The following PRR16 variants were observed in gnomAD, a reference collection of about 807,000 sequenced individuals.
The protein encoded by PRR16 is protein Largen.
A neutral mutation model predicts 18.2 loss-of-function variants in PRR16; 6 were observed. That is an observed-to-expected ratio of 0.33 (90% confidence interval 0.18 to 0.65). PRR16 has a LOEUF of 0.65. Ranked by LOEUF, PRR16 falls within the 30% of genes least tolerant of loss-of-function variation. PRR16 has a pLI of 0.74. For missense variants in PRR16, 412 were observed against 376.6 expected (o/e 1.09, Z -0.78); for synonymous variants, 151 against 147.8 (o/e 1.02, Z -0.16).
At chr5:120,757,964 G>A in the PRR16 span, among the ~76,000 whole-genome samples, 134 of 152,132 alleles carry the variant, frequency 8.8e-4, no homozygotes, top group African/African-American at 3.1e-3. Flanking sequence ...TAAATAAGGA[G>A]TGAGTAATTA....
intron 1 of PRR16, among the ~76,000 whole-genome samples, chr5:120,555,217 T>G (rs2112706556): frequency 6.6e-6 from 1 of 151,922 alleles, no homozygotes; most frequent in African/African-American, 2.4e-5. Flanking sequence ...CTCCAAATTT[T>G]TCATATTCTA....
intron 1 of PRR16, among the ~76,000 whole-genome samples, chr5:120,475,132 C>G (rs1474900277): frequency 6.6e-6 from 1 of 152,086 alleles, no homozygotes; most frequent in Non-Finnish European, 1.5e-5. Flanking sequence ...CATAGCCACC[C>G]TTTGAGGTAC....
chr5:120,692,804 G>T, the PRR16 span, among the ~76,000 whole-genome samples: 1 of 152,068 alleles, frequency 6.6e-6, no homozygotes, highest in Non-Finnish European at 1.5e-5. Context: ...AAAGCTTAGT[G>T]GGGGGAATTA....
intron 1 of PRR16, among the ~76,000 whole-genome samples, chr5:120,531,195 T>C (rs1322786048): frequency 2.0e-5 from 3 of 152,176 alleles, no homozygotes; most frequent in African/African-American, 4.8e-5. Context: ...TGAACCTTTG[T>C]AGAATATAAC....
chr5:120,498,596 G>A (rs150621744), intron 1 of PRR16, among the ~76,000 whole-genome samples: 2,389 of 151,214 alleles, frequency 0.016, 87 homozygotes, highest in Admixed American at 0.086. Context: ...GCATTTATCC[G>A]TATTTTTGTT....
chr5:120,780,844 G>A, the PRR16 span, among the ~76,000 whole-genome samples: 41 of 152,260 alleles, frequency 2.7e-4, no homozygotes, highest in Admixed American at 2.6e-3. Context: ...GAGGTCAGGA[G>A]ATCGAGAGCA....
In PRR16 at chr5:120,638,382, T is replaced by G. The variant is rs141341804; in HGVS notation, c.160-47572T>G. On this transcript the variant is annotated intron_variant, in intron 1 of 1. Coordinates refer to ENST00000407149, the MANE Select transcript of PRR16 (RefSeq NM_001300783.2). ...AACAGAAGTATATCTAAAAGCTGCT[T>G]AAACAATGTATTTGAGCCATTTTTT... 4.0e-3 allele frequency among the ~76,000 whole-genome samples: 604 copies of G among 152,266 alleles called. 7 individuals carry two copies. Among genetic ancestry groups the G allele is most frequent in the African/African-American group, 0.014 (589 of 41,568 alleles).
intron 1 of PRR16, among the ~76,000 whole-genome samples, chr5:120,615,679 C>T (rs1220041856): frequency 6.6e-6 from 1 of 151,734 alleles, no homozygotes; most frequent in African/African-American, 2.4e-5. Flanking sequence ...TTAAATAATG[C>T]CTGCATACTC....
intron 1 of PRR16, among the ~76,000 whole-genome samples, chr5:120,583,440 T>A (rs1283549990): frequency 6.6e-6 from 1 of 152,098 alleles, no homozygotes; most frequent in Non-Finnish European, 1.5e-5. Flanking sequence ...ATGAGCCACA[T>A]TTTCCTTCTG....
At chr5:120,685,248 A>C (rs1726606502) in intron 1 of PRR16, among the ~76,000 whole-genome samples, 1 of 152,136 alleles carries the variant, frequency 6.6e-6, no homozygotes. Context: ...TCCTCTCAGC[A>C]TGAGAGGTCT....
the PRR16 span, among the ~76,000 whole-genome samples, chr5:120,718,314 T>C: frequency 1.3e-5 from 2 of 152,080 alleles, no homozygotes; most frequent in African/African-American, 4.8e-5. Context: ...GGCTTAAACA[T>C]AGAGAAAATT....
intron 1 of PRR16, among the ~76,000 whole-genome samples, chr5:120,624,364 A>G (rs953671991): frequency 6.6e-6 from 1 of 152,186 alleles, no homozygotes; most frequent in Non-Finnish European, 1.5e-5. Flanking sequence ...AACCAAATAG[A>G]GTGATTAAAG....
chr5:120,555,239 C>G (rs1477682284), intron 1 of PRR16, among the ~76,000 whole-genome samples: 2 of 151,928 alleles, frequency 1.3e-5, no homozygotes, highest in Non-Finnish European at 2.9e-5. Flanking sequence ...CAAGCTCTTT[C>G]ATCCCATAGG....
chr5:120,522,903 AC>A (rs1235750218), intron 1 of PRR16, among the ~76,000 whole-genome samples: 1 of 152,160 alleles, frequency 6.6e-6, no homozygotes, highest in Non-Finnish European at 1.5e-5. Context: ...GGCATGAGCC[AC>A]CACACCCGGC....
At chr5:120,565,436 C>A (rs1752707808) in intron 1 of PRR16, among the ~76,000 whole-genome samples, 1 of 152,134 alleles carries the variant, frequency 6.6e-6, no homozygotes, top group African/African-American at 2.4e-5. Context: ...AGAAACTAGC[C>A]CATTCAGATT....
At chr5:120,668,537 T>C (rs1756477144) in intron 1 of PRR16, among the ~76,000 whole-genome samples, 1 of 152,204 alleles carries the variant, frequency 6.6e-6, no homozygotes, top group Non-Finnish European at 1.5e-5. Flanking sequence ...TTGATGGAGT[T>C]TCTTCCTAGT....
chr5:120,768,138 C>A, the PRR16 span, among the ~76,000 whole-genome samples: 2 of 151,976 alleles, frequency 1.3e-5, no homozygotes, highest in African/African-American at 4.8e-5. Flanking sequence ...GGTCATATCA[C>A]ATAAATGAAA....
At chr5:120,614,406 C>T (rs1192634707) in intron 1 of PRR16, among the ~76,000 whole-genome samples, 2 of 152,214 alleles carry the variant, frequency 1.3e-5, no homozygotes, top group African/African-American at 4.8e-5. Flanking sequence ...AGGTTTGGTA[C>T]ACTCCCCTCC....
At chr5:120,711,943 C>A in the PRR16 span, among the ~76,000 whole-genome samples, 2 of 152,130 alleles carry the variant, frequency 1.3e-5, no homozygotes, top group Non-Finnish European at 2.9e-5. Flanking sequence ...TCTCCCATTT[C>A]CACACCCAGA....
Sources: allele counts gnomAD v4.1 joint callset (sites outside exome capture counted in the v4.1 genomes callset), GRCh38; gene constraint gnomAD v4.1.1; transcripts MANE v1.5; gene names NCBI Gene and HGNC (gene_info 2026-07-23, HGNC 2026-07-21).